PSG5: variants seen among roughly 807,000 people sequenced by gnomAD.
PSG5 encodes pregnancy-specific beta-1-glycoprotein 5.
Under a neutral mutation model 37.7 loss-of-function variants are expected in PSG5, and 53 were observed. The observed-to-expected ratio is 1.41, with a 90% CI of 1.13 to 1.77. The LOEUF is 1.77. Among genes scored for constraint, PSG5 ranks in the 40% most tolerant of loss-of-function variants. The probability of loss-of-function intolerance (pLI) is 0.00; values close to 1 mark genes in which losing one functional copy is unlikely to be tolerated. For synonymous variants in PSG5, 221 were observed against 155.4 expected (o/e 1.42, Z -3.14); for missense variants, 547 against 405.2 (o/e 1.35, Z -3.00).
intron 2 of PSG5, chr19:43,178,892 G>A (rs765050955): frequency 7.4e-6 from 12 of 1,612,752 alleles, no homozygotes; most frequent in Non-Finnish European, 1.0e-5. Flanking sequence ...GGAGATTCAG[G>A]GTGACTGGGT....
intron 3 of PSG5, 140 bp downstream of exon 3, chr19:43,175,729 AG>A (rs1968994397): frequency 6.7e-7 from 1 of 1,494,652 alleles, no homozygotes; most frequent in African/African-American, 1.4e-5. Context: ...AGGTTTTCCA[AG>A]GGCAGGGAGT....
chr19:43,175,770 G>T, intron 3 of PSG5, 100 bp downstream of exon 3: 5 of 1,561,562 alleles, frequency 3.2e-6, no homozygotes, highest in Admixed American at 1.8e-5. Context: ...CAGAAATAAA[G>T]GTGTCTATAC....
intron 1 of PSG5, 88 bp from the exon 2 acceptor site, chr19:43,185,235 A>T: frequency 1.4e-6 from 2 of 1,433,508 alleles, no homozygotes; most frequent in Non-Finnish European, 1.9e-6. Flanking sequence ...AGGTCTCTTC[A>T]ATCCTCAGCC....
chr19:43,183,185 C>G (rs886872993), intron 2 of PSG5: 12 of 273,016 alleles, frequency 4.4e-5, no homozygotes, highest in East Asian at 3.5e-4. Context: ...GCCCCCAGTT[C>G]CACAGTCCAG....
At chr19:43,178,608 T>C (rs1431345056) in intron 2 of PSG5, among the ~76,000 whole-genome samples, 2 of 151,544 alleles carry the variant, frequency 1.3e-5, no homozygotes, top group Admixed American at 1.3e-4. Context: ...CCCCGCTGTG[T>C]TCACTGATCT....
intron 2 of PSG5, among the ~76,000 whole-genome samples, chr19:43,178,142 T>A (rs1209836382): frequency 6.6e-6 from 1 of 151,616 alleles, no homozygotes; most frequent in East Asian, 1.9e-4. Flanking sequence ...CCCTCTCCCT[T>A]TGCAGAGGGC....
At chr19:43,183,260 C>T in intron 2 of PSG5, 1 of 343,702 alleles carries the variant, frequency 2.9e-6, no homozygotes, top group Non-Finnish European at 5.8e-6. Context: ...GGTGGGGTGG[C>T]TTTAGGGGCA....
At position 43,175,866 on chromosome 19, in the gene PSG5, T is replaced by C; in HGVS notation, c.709+4A>G. Reference sequence around the variant, plus strand: ...TGGCCCACAGAGGAACAAAAGATACTCACAGAGGACATTCAGGGTGACTGG... The same window carrying C: ...TGGCCCACAGAGGAACAAAAGATACCCACAGAGGACATTCAGGGTGACTGG... On this transcript the variant is annotated splice_donor_region_variant and intron_variant, in intron 3 of 5. Transcript: ENST00000342951. The C allele has an allele frequency of 6.2e-7, 1 of 1,612,132 alleles. No individual in the cohort carries two copies. Among genetic ancestry groups the C allele is most frequent in the Non-Finnish European group, 8.5e-7 (1 of 1,178,952 alleles).
chr19:43,185,553 C>T (rs148076007), intron 1 of PSG5, among the ~76,000 whole-genome samples: 1 of 151,138 alleles, frequency 6.6e-6, no homozygotes, highest in African/African-American at 2.4e-5. Flanking sequence ...TCTGCTCCCT[C>T]CAGGGTTCTT....
rs571861980 is a variant in PSG5 at position 43,184,764 on chromosome 19, T to C, written c.430+18A>G. On this transcript the variant is annotated intron_variant, in intron 2 of 5. Transcript: ENST00000342951. The stretch of plus-strand genomic sequence containing the variant: ...ACCCCTGTCCCCCAACACCCAGGGA[T>C]CATGTGGAATCACTCACGGTATAAG... 1 of 1,611,716 alleles carries C rather than the reference T, an allele frequency of 6.2e-7. No homozygotes were observed. The highest frequency in any genetic ancestry group is 1.7e-5 in the Admixed American group (1 of 59,844).
chr19:43,178,383 C>G (rs889815020), intron 2 of PSG5, among the ~76,000 whole-genome samples: 5 of 151,704 alleles, frequency 3.3e-5, no homozygotes, highest in African/African-American at 9.7e-5. Flanking sequence ...GAATGCTCTG[C>G]CAGTGGGTGA....
rs1287134162 is a variant in PSG5 at position 43,168,775 on chromosome 19, A to G, written c.*41-572T>C. 2.0e-4 allele frequency among the ~76,000 whole-genome samples: 31 copies of G among 151,602 alleles called. 2 individuals are homozygous for G. The highest frequency in any genetic ancestry group is 1.8e-3 in the Admixed American group (28 of 15,206). On this transcript the variant is annotated intron_variant, in intron 5 of 5. Transcript: ENST00000342951. ...GTTTTCTACACAATTTAATATATCA[A>G]ATAAGGTGGCTTTTCCATTCAGCTT...
At position 43,186,436 on chromosome 19, in the gene PSG5, G is replaced by T; in HGVS notation, c.-31C>A. On this transcript the variant is annotated 5_prime_UTR_variant, in exon 1 of 6. Coordinates refer to ENST00000342951, the MANE Select transcript of PSG5 (RefSeq NM_002781.4). ...CTGCGCCTGCGTGTTCTCCTCTGTG[G>T]AGCTGAGCCTAGGATCCAGAAACTT... is the stretch of plus-strand genomic sequence containing the variant. 1 of 1,611,166 alleles carries T rather than the reference G, an allele frequency of 6.2e-7. No individual in the cohort carries two copies. The highest frequency in any genetic ancestry group is 8.5e-7 in the Non-Finnish European group (1 of 1,178,300).
rs753057167 is a variant in PSG5 at position 43,184,816 on chromosome 19, T to G, written c.396A>C (p.Arg132Ser). Residue 132 changes from arginine to serine, a missense_variant, in exon 2 of 6, where the codon AGA becomes AGC. Arg to Ser is a moderately radical substitution (Grantham distance 110). Coordinates refer to ENST00000342951, the MANE Select transcript of PSG5 (RefSeq NM_002781.4). ...LHIIKRGDRT[R>S]GVTGYFTFNL... ...TGAAGGTGAAATATCCAGTTACTCC[T>G]CTAGTCCTATCACCTCGCTTTATGA... is the stretch of plus-strand genomic sequence containing the variant. 2 of 1,612,294 alleles carry G rather than the reference T, an allele frequency of 1.2e-6. No individual in the cohort carries two copies. The highest frequency in any genetic ancestry group is 2.7e-5 in the African/African-American group (2 of 74,486).
At chr19:43,179,559 C>T (rs1335231033) in intron 2 of PSG5, among the ~76,000 whole-genome samples, 1 of 151,750 alleles carries the variant, frequency 6.6e-6, no homozygotes, top group African/African-American at 2.4e-5. Flanking sequence ...GGTATGTTTT[C>T]TCTGCAGCTT....
rs1966944429 is a variant in PSG5 at position 43,186,390 on chromosome 19, C to T, written c.16G>A (p.Ala6Thr). Residue 6 changes from alanine to threonine, a missense_variant, in exon 1 of 6, where the codon GCC becomes ACC. Transcript: ENST00000342951. ...GTGATGTGCTGTGTGCAGGGAGGGGCTGAGAGGGGCCCCATGGTCTCTGCG... is the reference window on the plus strand; with the variant it reads ...GTGATGTGCTGTGTGCAGGGAGGGGTTGAGAGGGGCCCCATGGTCTCTGCG... Reference protein sequence around the residue: MGPLSAPPCTQHITWK... With the variant: MGPLSTPPCTQHITWK... The T allele has an allele frequency of 1.2e-6, 2 of 1,612,148 alleles. No individual in the cohort carries two copies. The highest frequency in any genetic ancestry group is 1.3e-5 in the African/African-American group (1 of 74,526).
In PSG5 at chr19:43,175,083, G is replaced by A. The variant is rs1261784248; in HGVS notation, c.964+132C>T. 2.5e-5 allele frequency: 40 copies of A among 1,587,322 alleles called. 1 individual carries two copies. Among genetic ancestry groups the A allele is most frequent in the Non-Finnish European group, 3.2e-5 (37 of 1,167,736 alleles). ...TGTAGAGACAAATTGGAAGGGTTCA[G>A]GAGGAGAATTTGGGATTTGCTTGTG... On this transcript the variant is annotated intron_variant, in intron 4 of 5. Coordinates refer to ENST00000342951, the MANE Select transcript of PSG5 (RefSeq NM_002781.4).
chr19:43,175,289 C>T lies in PSG5; in HGVS notation c.890G>A (p.Gly297Glu). 1.2e-6 allele frequency: 2 copies of T among 1,612,776 alleles called. No individual in the cohort carries two copies. Among genetic ancestry groups the T allele is most frequent in the Non-Finnish European group, 1.7e-6 (2 of 1,179,214 alleles). ...GTTACGAACAGAGCAAGTATAGAGC[C>T]CTCTATGCTTTGTAGTAATTTGGGG... ...SIPQITTKHRGLYTCSVRNSA... is the reference protein window; with the variant it reads ...SIPQITTKHRELYTCSVRNSA... Residue 297 changes from glycine to glutamate, a missense_variant, in exon 4 of 6, where the codon GGG becomes GAG. Physicochemically the swap from Gly to Glu is moderately conservative, Grantham distance 98 (BLOSUM62 -2). Coordinates refer to ENST00000342951, the MANE Select transcript of PSG5 (RefSeq NM_002781.4).
At chr19:43,180,316 C>T (rs995528929) in intron 2 of PSG5, 3 of 151,498 alleles carry the variant, frequency 2.0e-5, no homozygotes, top group East Asian at 3.9e-4. Context: ...TACAGTGCTC[C>T]TTATGCAGAA....
Sources: allele counts gnomAD v4.1 joint callset (sites outside exome capture counted in the v4.1 genomes callset), GRCh38; gene constraint gnomAD v4.1.1; transcripts MANE v1.5; gene names NCBI Gene and HGNC (gene_info 2026-07-23, HGNC 2026-07-21).